The following ZNF609 variants were observed in gnomAD, a reference collection of about 807,000 sequenced individuals.
The protein encoded by ZNF609 is zinc finger protein 609.
A neutral mutation model predicts 109.5 loss-of-function variants in ZNF609; 11 were observed. The ratio of observed to expected loss-of-function variants is 0.10; its 90% CI spans 0.06 to 0.17. The LOEUF is 0.17. Among genes scored for constraint, ZNF609 ranks in the 10% least tolerant of loss-of-function variants. The pLI is 1.00. For missense variants in ZNF609, 1,559 were observed against 1,772.4 expected (o/e 0.88, Z 2.16); for synonymous variants, 646 against 662.0 (o/e 0.98, Z 0.37).
chr15:64,568,898 T>A (rs1894819972), intron 2 of ZNF609, among the ~76,000 whole-genome samples: 1 of 152,246 alleles, frequency 6.6e-6, no homozygotes, highest in Non-Finnish European at 1.5e-5. Context: ...GATTTTTAAC[T>A]AAGTCCTAAA....
At chr15:64,513,140 C>G (rs1296447814) in intron 2 of ZNF609, among the ~76,000 whole-genome samples, 1 of 152,002 alleles carries the variant, frequency 6.6e-6, no homozygotes, top group Admixed American at 6.6e-5. Context: ...TTAGATGGAT[C>G]TTTTTTTAGG....
chr15:64,530,665 A>G (rs1466669233), intron 2 of ZNF609, among the ~76,000 whole-genome samples: 1 of 152,200 alleles, frequency 6.6e-6, no homozygotes, highest in East Asian at 1.9e-4. Context: ...TGTGACTGAC[A>G]GTATGGTAGA....
intron 2 of ZNF609, among the ~76,000 whole-genome samples, chr15:64,572,918 G>C (rs1894880762): frequency 6.6e-6 from 1 of 152,068 alleles, no homozygotes; most frequent in African/African-American, 2.4e-5. Flanking sequence ...AAAAAGAAAA[G>C]AAAAGAAAGT....
rs370146037 is a variant in ZNF609, at chr15:64,675,850, C to T, written c.2996C>T (p.Thr999Met). The change falls in exon 5 of 10, where the codon ACG becomes ATG. Residue 999 changes from threonine (T) to methionine (M), a missense_variant. Thr to Met is a moderately conservative substitution (Grantham distance 81). This residue lies in a region of ZNF609 where 1,204 missense variants were observed against 1,314.1 expected (regional missense o/e 0.92). Transcript: ENST00000326648. ...CACACCCACCTTCTGAGCACTAACACGGCTTACCGGCAGCAGTACGAAGAA... is the reference window on the plus strand; with the variant it reads ...CACACCCACCTTCTGAGCACTAACATGGCTTACCGGCAGCAGTACGAAGAA... ...SYHTHLLSTN[T>M]AYRQQYEEQQ... 125 of 1,614,064 alleles carry T rather than the reference C, an allele frequency of 7.7e-5. No homozygotes were observed. Among genetic ancestry groups the T allele is most frequent in the Non-Finnish European group, 9.4e-5 (111 of 1,180,042 alleles).
In ZNF609 at chr15:64,596,703, G is replaced by A. The variant is rs148508064; in HGVS notation, c.748-26124G>A. Among the ~76,000 whole-genome samples the A allele has an allele frequency of 4.3e-4, 65 of 151,984 alleles. 1 individual carries two copies. The East Asian group carries it at 9.9e-3, about 23-fold the overall frequency. ...TTGTATTTACTTACCAGTCCCTTTCGTTTACCACCTATACTCAGTGTGTAT... is the reference window on the plus strand; with the variant it reads ...TTGTATTTACTTACCAGTCCCTTTCATTTACCACCTATACTCAGTGTGTAT... On this transcript the variant is annotated intron_variant, in intron 2 of 9. Transcript: ENST00000326648.
intron 2 of ZNF609, among the ~76,000 whole-genome samples, chr15:64,505,423 A>G (rs1893621092): frequency 6.6e-6 from 1 of 152,346 alleles, no homozygotes; most frequent in South Asian, 2.1e-4. Context: ...TATTTTGTAG[A>G]GAAGATATAC....
intron 1 of ZNF609, among the ~76,000 whole-genome samples, chr15:64,461,451 C>T (rs1044253714): frequency 6.6e-6 from 1 of 152,090 alleles, no homozygotes; most frequent in African/African-American, 2.4e-5. Flanking sequence ...GGTTTGTGAC[C>T]CTATCCTGTT....
At chr15:64,652,945 C>G (rs978898747) in intron 3 of ZNF609, 1 of 153,162 alleles carries the variant, frequency 6.5e-6, no homozygotes, top group Non-Finnish European at 1.5e-5. Context: ...TTACAGATTT[C>G]TTTGTTCCAT....
At chr15:64,493,586 A>G (rs1411539294) in intron 1 of ZNF609, among the ~76,000 whole-genome samples, 1 of 152,192 alleles carries the variant, frequency 6.6e-6, no homozygotes, top group Non-Finnish European at 1.5e-5. Flanking sequence ...TGTAGGAACA[A>G]AACACAGATA....
At chr15:64,581,775 GT>G (rs1381450269) in intron 2 of ZNF609, among the ~76,000 whole-genome samples, 1 of 152,132 alleles carries the variant, frequency 6.6e-6, no homozygotes, top group Non-Finnish European at 1.5e-5. Flanking sequence ...ATATTCAGGC[GT>G]TTTGCTTGAA....
chr15:64,618,736 C>T (rs890530604), intron 2 of ZNF609, among the ~76,000 whole-genome samples: 7 of 152,100 alleles, frequency 4.6e-5, no homozygotes, highest in East Asian at 1.9e-4. Flanking sequence ...TGTGCTCTTC[C>T]GCCACGTGTG....
chr15:64,571,221 A>G (rs901850501), intron 2 of ZNF609, among the ~76,000 whole-genome samples: 3 of 152,204 alleles, frequency 2.0e-5, no homozygotes, highest in African/African-American at 7.2e-5. Context: ...ACTTTTGGGT[A>G]TAGATCCCTC....
chr15:64,493,412 A>G (rs1479867047), intron 1 of ZNF609, among the ~76,000 whole-genome samples: 1 of 152,222 alleles, frequency 6.6e-6, no homozygotes, highest in Non-Finnish European at 1.5e-5. Context: ...TATGATTTAC[A>G]ATGTACAAGC....
intron 3 of ZNF609, among the ~76,000 whole-genome samples, chr15:64,628,808 A>G (rs1434825906): frequency 3.3e-5 from 5 of 151,822 alleles, no homozygotes; most frequent in African/African-American, 4.8e-5. Flanking sequence ...TATTTTCAGT[A>G]GAGATGGGGT....
chr15:64,562,410 G>A (rs774437065), intron 2 of ZNF609, among the ~76,000 whole-genome samples: 79 of 152,176 alleles, frequency 5.2e-4, no homozygotes, highest in Non-Finnish European at 8.5e-4. Flanking sequence ...CACACAACTA[G>A]AAAGAAGCAG....
At chr15:64,672,173 C>T (rs551846250) in intron 4 of ZNF609, among the ~76,000 whole-genome samples, 98 of 150,238 alleles carry the variant, frequency 6.5e-4, no homozygotes, top group African/African-American at 2.2e-3. Context: ...CCACCACGCC[C>T]GGCTAATTTT....
At chr15:64,484,417 C>G (rs1443161540) in intron 1 of ZNF609, among the ~76,000 whole-genome samples, 1 of 152,218 alleles carries the variant, frequency 6.6e-6, no homozygotes, top group African/African-American at 2.4e-5. Flanking sequence ...GTGGCTCACG[C>G]CTGTAATCCC....
chr15:64,529,673 G>C, intron 2 of ZNF609: 1 of 737,708 alleles, frequency 1.4e-6, no homozygotes, highest in Non-Finnish European at 2.5e-6. Flanking sequence ...CTTACCCATG[G>C]TGTCTCAGGG....
At chr15:64,575,686 A>G (rs1362782802) in intron 2 of ZNF609, among the ~76,000 whole-genome samples, 2 of 152,226 alleles carry the variant, frequency 1.3e-5, no homozygotes, top group Non-Finnish European at 2.9e-5. Flanking sequence ...ATATTTACAA[A>G]AAGGTTATGA....
Sources: allele counts gnomAD v4.1 joint callset (sites outside exome capture counted in the v4.1 genomes callset), GRCh38; gene constraint gnomAD v4.1.1; regional missense constraint gnomAD v4.1.1; transcripts MANE v1.5; gene names NCBI Gene and HGNC (gene_info 2026-07-23, HGNC 2026-07-21).